The following EEF1AKMT2 variants were observed in gnomAD, a reference collection of about 807,000 sequenced individuals.
EEF1AKMT2 encodes the protein EEF1A lysine methyltransferase 2.
Under a neutral mutation model 35.8 loss-of-function variants are expected in EEF1AKMT2, and 32 were observed. The observed-to-expected ratio is 0.89, with a 90% CI of 0.67 to 1.20. The LOEUF is 1.20. EEF1AKMT2 is among the 50% of genes most tolerant of loss of function. EEF1AKMT2 has a pLI of 0.00. For synonymous variants in EEF1AKMT2, 121 were observed against 133.7 expected (o/e 0.91, Z 0.65); for missense variants, 330 against 347.5 (o/e 0.95, Z 0.40).
chr10:124,781,498 G>A (rs1053809662), intron 3 of EEF1AKMT2, among the ~76,000 whole-genome samples: 7 of 150,734 alleles, frequency 4.6e-5, no homozygotes, highest in African/African-American at 1.2e-4. Context: ...AGAATCAATC[G>A]CTTGAACCCA....
intron 4 of EEF1AKMT2, among the ~76,000 whole-genome samples, chr10:124,772,486 T>C (rs1031245135): frequency 1.1e-4 from 17 of 148,042 alleles, no homozygotes; most frequent in African/African-American, 3.7e-4. Flanking sequence ...TGGAGTGCAG[T>C]TGCGCGATCT....
chr10:124,790,362 G>A lies in EEF1AKMT2; in HGVS notation c.111-24C>T, dbSNP rs551795257. 22 of 1,536,686 alleles carry A rather than the reference G, an allele frequency of 1.4e-5. No individual in the cohort carries two copies. The African/African-American group carries it at 2.9e-4, about 20-fold the overall frequency. ...AACTATGTAAACAATGAAATGCAAA[G>A]CAAGACTCTTGAATTAAACTGTATT... On this transcript the variant is annotated intron_variant, in intron 1 of 6. Transcript: ENST00000368836.
intron 5 of EEF1AKMT2, among the ~76,000 whole-genome samples, chr10:124,763,047 T>C (rs982138261): frequency 1.3e-5 from 2 of 152,230 alleles, no homozygotes; most frequent in Non-Finnish European, 2.9e-5. Flanking sequence ...TCTGTATGCT[T>C]ATGTGTTGAC....
chr10:124,760,976 T>C (rs1173248409), intron 6 of EEF1AKMT2, among the ~76,000 whole-genome samples: 1 of 152,182 alleles, frequency 6.6e-6, no homozygotes, highest in African/African-American at 2.4e-5. Flanking sequence ...TTCAAGCGAT[T>C]CTCACTTCAG....
chr10:124,780,390 C>A (rs967279974), intron 3 of EEF1AKMT2, among the ~76,000 whole-genome samples: 11 of 152,200 alleles, frequency 7.2e-5, no homozygotes, highest in African/African-American at 2.6e-4. Context: ...AAATGAACTA[C>A]CTCCTACAAA....
chr10:124,767,879 G>A (rs184883398), intron 4 of EEF1AKMT2, among the ~76,000 whole-genome samples: 58 of 152,298 alleles, frequency 3.8e-4, no homozygotes, highest in Non-Finnish European at 6.9e-4. Context: ...CCAGCTAATC[G>A]GGAGGCTGAG....
chr10:124,783,304 G>A (rs545817428), intron 3 of EEF1AKMT2, among the ~76,000 whole-genome samples: 19 of 151,942 alleles, frequency 1.3e-4, no homozygotes, highest in African/African-American at 4.1e-4. Flanking sequence ...CACCACGTCT[G>A]GCTAATTTTT....
chr10:124,790,372 T>C, intron 1 of EEF1AKMT2, 34 bp from the exon 2 acceptor site: 1 of 1,400,324 alleles, frequency 7.1e-7, no homozygotes, highest in Non-Finnish European at 1.0e-6. Context: ...GCAAGACTCT[T>C]GAATTAAACT....
rs572029757 is a variant in EEF1AKMT2 at position 124,789,526 on chromosome 10, G to A, written c.177-369C>T. Reference sequence around the variant, plus strand: ...TTCTCCCAACACTTTGGAAGGCCACGGTGGGAGGACTGCTTGAGGCCAGGA... The same window carrying A: ...TTCTCCCAACACTTTGGAAGGCCACAGTGGGAGGACTGCTTGAGGCCAGGA... On this transcript the variant is annotated intron_variant, in intron 2 of 6. Coordinates refer to ENST00000368836, the MANE Select transcript of EEF1AKMT2 (RefSeq NM_212554.4). Among the ~76,000 whole-genome samples, 51 of 152,188 alleles carry A rather than the reference G, an allele frequency of 3.4e-4. 1 individual carries two copies. In the East Asian group the frequency reaches 7.5e-3, roughly 22 times the overall value.
chr10:124,785,720 G>A (rs1014646094), intron 3 of EEF1AKMT2, among the ~76,000 whole-genome samples: 1 of 151,176 alleles, frequency 6.6e-6, no homozygotes, highest in Admixed American at 6.6e-5. Flanking sequence ...ATGGTGAAAC[G>A]CTATGTCTAC....
chr10:124,782,008 A>G (rs1950544061), intron 3 of EEF1AKMT2, among the ~76,000 whole-genome samples: 1 of 152,162 alleles, frequency 6.6e-6, no homozygotes, highest in Non-Finnish European at 1.5e-5. Context: ...GATTTTGACA[A>G]CTATATATAT....
At chr10:124,769,248 A>ATATATGTG (rs60863408) in intron 4 of EEF1AKMT2, among the ~76,000 whole-genome samples, 2,494 of 63,412 alleles carry the variant, frequency 0.039, 140 homozygotes, top group Non-Finnish European at 0.051. Flanking sequence ...ATATATATAT[A>ATATATGTG]TGTGTGTATA....
rs1257142389 is a variant in EEF1AKMT2 at position 124,758,340 on chromosome 10, T to C, written c.*2163A>G. 2 of 152,102 alleles carry C rather than the reference T, an allele frequency of 1.3e-5. No homozygotes were observed. 9.4% of individuals were successfully genotyped at this position (152,102 alleles called of 1,614,324 possible). On this transcript the variant is annotated 3_prime_UTR_variant, in exon 7 of 7. Transcript: ENST00000368836. ...AACCTGGTGACACTTGCTGGCCTGG[T>C]TTTTACAGTTTGGTATTATGTGAAA...
In EEF1AKMT2 at chr10:124,769,434, GT is replaced by G. The variant is rs576756570; in HGVS notation, c.400-3827del. Among the ~76,000 whole-genome samples, 104 of 151,788 alleles carry G rather than the reference GT, an allele frequency of 6.9e-4. 3 individuals carry two copies. In the South Asian group the frequency reaches 0.021, roughly 30 times the overall value. On this transcript the variant is annotated intron_variant, in intron 4 of 6. Transcript: ENST00000368836. ...AAGAGTTTCATTTTGGACTAATTAAGTTGAGAGACTATTAGCTTTCCAAATG... is the reference window on the plus strand; with the variant it reads ...AAGAGTTTCATTTTGGACTAATTAAGTGAGAGACTATTAGCTTTCCAAATG...
intron 4 of EEF1AKMT2, among the ~76,000 whole-genome samples, chr10:124,770,528 G>A (rs1950422492): frequency 6.6e-6 from 1 of 152,194 alleles, no homozygotes; most frequent in African/African-American, 2.4e-5. Context: ...AAGGATGCCT[G>A]CTGACTGATC....
intron 6 of EEF1AKMT2, among the ~76,000 whole-genome samples, chr10:124,761,262 T>C (rs1950329169): frequency 6.6e-6 from 1 of 152,170 alleles, no homozygotes; most frequent in South Asian, 2.1e-4. Context: ...AAGCACTTAA[T>C]ACAGAAAGGC....
At chr10:124,788,708 C>CTTTATATATATATATATATATATATATA (rs1554920476) in intron 3 of EEF1AKMT2, among the ~76,000 whole-genome samples, 1 of 35,960 alleles carries the variant, frequency 2.8e-5, no homozygotes, top group Non-Finnish European at 6.8e-5. Context: ...AAAAGGTCAT[C>CTTTATATATATATATATATATATATATA]TTTATATATA....
chr10:124,791,045 A>G (rs760750235), intron 1 of EEF1AKMT2, among the ~76,000 whole-genome samples: 6 of 151,676 alleles, frequency 4.0e-5, no homozygotes, highest in Non-Finnish European at 7.4e-5. Flanking sequence ...TTACAGGCGT[A>G]AGCCACCACG....
rs1554918000 is a variant in EEF1AKMT2 at position 124,774,406 on chromosome 10, A to AAAAAAAAAAAAAAAAAAAAAAAAAAG, written c.399+268_399+269insCTTTTTTTTTTTTTTTTTTTTTTTTT. The stretch of plus-strand genomic sequence containing the variant: ...AAAAAAAAAAAAAAAAAAAAAAAAA[A>AAAAAAAAAAAAAAAAAAAAAAAAAAG]AAAACCCTTTTGATCTGGTTAATCC... On this transcript the variant is annotated intron_variant, in intron 4 of 6. Transcript: ENST00000368836. Among the ~76,000 whole-genome samples, 4 of 48,474 alleles carry AAAAAAAAAAAAAAAAAAAAAAAAAAG rather than the reference A, an allele frequency of 8.3e-5. 1 individual carries two copies. The highest frequency in any genetic ancestry group is 1.2e-4 in the African/African-American group (2 of 16,450). 31.8% of individuals were successfully genotyped at this position (48,474 alleles called of 152,430 possible).
Sources: gnomAD v4.1 joint callset for allele counts (sites outside exome capture counted in the v4.1 genomes callset) on GRCh38, gnomAD v4.1.1 for gene constraint, MANE v1.5 for transcripts, NCBI Gene and HGNC (gene_info 2026-07-23, HGNC 2026-07-21) for gene names.